ALOX5: variants seen among roughly 807,000 people sequenced by gnomAD.
The protein encoded by ALOX5 is arachidonate 5-lipoxygenase.
A neutral mutation model predicts 87.9 loss-of-function variants in ALOX5; 64 were observed. That is an observed-to-expected ratio of 0.73 (90% confidence interval 0.60 to 0.90). The LOEUF (loss-of-function observed/expected upper bound fraction) is 0.90, where lower values mean the gene tolerates loss of function less well. Among genes scored for constraint, ALOX5 ranks in the 40% least tolerant of loss-of-function variants. The pLI is 0.00. For missense variants in ALOX5, 822 were observed against 907.5 expected (o/e 0.91, Z 1.21); for synonymous variants, 388 against 355.1 (o/e 1.09, Z -1.04).
chr10:45,392,352 G>T lies in ALOX5; in HGVS notation c.350-3503G>T, dbSNP rs546385527. ...GTAGACATGGGAGACTTTTCATTTT[G>T]TTCTGTACTAAGAAAAATTCTTCTG... On this transcript the variant is annotated intron_variant, in intron 2 of 13. Coordinates refer to ENST00000374391, the MANE Select transcript of ALOX5 (RefSeq NM_000698.5). Among the ~76,000 whole-genome samples the T allele has an allele frequency of 1.2e-4, 18 of 152,094 alleles. 2 individuals carry two copies. In the South Asian group the frequency reaches 3.7e-3, roughly 31 times the overall value.
At chr10:45,403,581 G>C (rs1035813556) in intron 3 of ALOX5, among the ~76,000 whole-genome samples, 2 of 152,132 alleles carry the variant, frequency 1.3e-5, no homozygotes, top group South Asian at 4.1e-4. Context: ...GTGTGAGTGT[G>C]TGTGTGCATA....
At chr10:45,394,992 T>G (rs1278177741) in intron 2 of ALOX5, among the ~76,000 whole-genome samples, 6 of 152,186 alleles carry the variant, frequency 3.9e-5, no homozygotes, top group African/African-American at 1.4e-4. Context: ...ATGGGAACAC[T>G]TTTATACTGT....
At chr10:45,435,269 T>C (rs1307905813) in intron 7 of ALOX5, among the ~76,000 whole-genome samples, 1 of 151,918 alleles carries the variant, frequency 6.6e-6, no homozygotes, top group East Asian at 1.9e-4. Flanking sequence ...ACAGTTTTTT[T>C]TTTTTTAATA....
At chr10:45,420,759 A>G (rs1289890509) in intron 4 of ALOX5, among the ~76,000 whole-genome samples, 1 of 152,264 alleles carries the variant, frequency 6.6e-6, no homozygotes, top group Non-Finnish European at 1.5e-5. Flanking sequence ...CCTGCACAGC[A>G]CAACTGTGGC....
chr10:45,413,820 G>A (rs1841162287), intron 4 of ALOX5, among the ~76,000 whole-genome samples: 1 of 152,160 alleles, frequency 6.6e-6, no homozygotes, highest in African/African-American at 2.4e-5. Context: ...GCCAAATCAT[G>A]AGTGAACTCC....
chr10:45,402,304 C>T (rs2132733622), intron 3 of ALOX5, among the ~76,000 whole-genome samples: 1 of 152,240 alleles, frequency 6.6e-6, no homozygotes, highest in African/African-American at 2.4e-5. Context: ...CACAATTGCC[C>T]CACCTCAAAA....
Position 45,374,482 on chromosome 10 carries a change from C to T in ALOX5, c.150+53C>T. The T allele has an allele frequency of 3.5e-6, 5 of 1,429,580 alleles. No homozygotes were observed. In the East Asian group the frequency reaches 8.5e-5, roughly 24 times the overall value. The allele number at this position is 1,429,580 out of a possible 1,614,324, so 88.6% of individuals were successfully genotyped here. A position where few individuals can be genotyped will look rare whatever the true frequency, so the allele number is the denominator to read the frequency against. On this transcript the variant is annotated intron_variant, in intron 1 of 13. Coordinates refer to ENST00000374391, the MANE Select transcript of ALOX5 (RefSeq NM_000698.5). ...CGCGGGCTGAGGTGCGTCCGGGACC[C>T]GGTTTGGACGGCAGAGGCCTGGGCG...
intron 4 of ALOX5, among the ~76,000 whole-genome samples, chr10:45,413,933 T>G (rs1207902109): frequency 6.6e-6 from 1 of 151,892 alleles, no homozygotes; most frequent in East Asian, 1.9e-4. Flanking sequence ...CTCAACAAAA[T>G]AAAAGAGGAC....
At position 45,425,254 on chromosome 10, in the gene ALOX5, A is replaced by G; in HGVS notation, c.834+122A>G. ...ACTGCAGGCCCATCTGGCCTACAGC[A>G]GCCGCTTCCTTTTCCTGGCAGCAGT... On this transcript the variant is annotated intron_variant, in intron 6 of 13. Coordinates refer to ENST00000374391, the MANE Select transcript of ALOX5 (RefSeq NM_000698.5). This position sits in a 1 kb window ranked among gnomAD's most constrained non-coding sequence, Gnocchi z 4.4. 1 of 1,247,940 alleles carries G rather than the reference A, an allele frequency of 8.0e-7. No homozygotes were observed. Among genetic ancestry groups the G allele is most frequent in the Non-Finnish European group, 1.1e-6 (1 of 921,420 alleles). The allele number at this position is 1,247,940 out of a possible 1,614,324, so 77.3% of individuals were successfully genotyped here.
At chr10:45,395,280 A>G in intron 2 of ALOX5, among the ~76,000 whole-genome samples, 1 of 152,246 alleles carries the variant, frequency 6.6e-6, no homozygotes, top group Non-Finnish European at 1.5e-5. Context: ...GCAGCCATAA[A>G]AAAGGATGAA....
chr10:45,424,025 C>G lies in ALOX5; in HGVS notation c.555-16C>G, dbSNP rs1364805012. On this transcript the variant is annotated splice_polypyrimidine_tract_variant and intron_variant, in intron 4 of 13. Transcript: ENST00000374391. ...ATGGCTAGTGTGCGCAAGGTGACCT[C>G]TCTCCTGGTCTGCAGGATGGAGAAC... 2 of 1,606,584 alleles carry G rather than the reference C, an allele frequency of 1.2e-6. No homozygotes were observed. The highest frequency in any genetic ancestry group is 1.7e-4 in the Middle Eastern group (1 of 6,040).
intron 7 of ALOX5, among the ~76,000 whole-genome samples, chr10:45,436,026 G>A (rs568490915): frequency 1.3e-5 from 2 of 152,298 alleles, no homozygotes; most frequent in East Asian, 1.9e-4. Flanking sequence ...GATTAGTGAT[G>A]TTGGGCATTT....
intron 9 of ALOX5, chr10:45,442,769 G>T: frequency 2.3e-6 from 1 of 443,204 alleles, no homozygotes; most frequent in South Asian, 4.8e-5. Flanking sequence ...CCCTCCTGTG[G>T]CTGGGAGCGC....
At chr10:45,397,929 A>C (rs7080897) in intron 3 of ALOX5, among the ~76,000 whole-genome samples, 10,263 of 152,296 alleles carry the variant, frequency 0.067, 469 homozygotes, top group East Asian at 0.18. Context: ...ATTAATGTAC[A>C]CGTTCAACAC....
intron 3 of ALOX5, among the ~76,000 whole-genome samples, chr10:45,409,793 G>A (rs1050964726): frequency 7.9e-5 from 12 of 152,214 alleles, no homozygotes; most frequent in African/African-American, 2.7e-4. Context: ...AGCCTGTCAG[G>A]GTCTCTTAAG....
intron 2 of ALOX5, among the ~76,000 whole-genome samples, chr10:45,392,245 GGTGGTTTT>G (rs1840310470): frequency 6.6e-6 from 1 of 152,214 alleles, no homozygotes; most frequent in Non-Finnish European, 1.5e-5. Context: ...TGATGACAAT[GGTGGTTTT>G]GTGGAATAGA....
intron 1 of ALOX5, among the ~76,000 whole-genome samples, chr10:45,375,661 C>T (rs1839577495): frequency 6.6e-6 from 1 of 152,194 alleles, no homozygotes; most frequent in South Asian, 2.1e-4. Flanking sequence ...AAAAACTACT[C>T]TTTTTCTGGA....
At chr10:45,412,671 A>G (rs909829660) in intron 4 of ALOX5, among the ~76,000 whole-genome samples, 2 of 152,162 alleles carry the variant, frequency 1.3e-5, no homozygotes, top group Non-Finnish European at 2.9e-5. Flanking sequence ...GGCAGGTGCT[A>G]TGGTAAGAAT....
rs1377461012 is a variant in ALOX5, at chr10:45,441,468, C to T, written c.1272+38C>T. On this transcript the variant is annotated intron_variant, in intron 9 of 13. Coordinates refer to ENST00000374391, the MANE Select transcript of ALOX5 (RefSeq NM_000698.5). ...CTACCCTACTTGTTGCCTGGAAGAG[C>T]CCAGCCTGGCCGCCTTCACTCCCTA... 3.1e-6 allele frequency: 5 copies of T among 1,588,726 alleles called. No homozygotes were observed. The South Asian group carries it at 3.3e-5, about 11-fold the overall frequency.
Sources: allele counts gnomAD v4.1 joint callset (sites outside exome capture counted in the v4.1 genomes callset), GRCh38; gene constraint gnomAD v4.1.1; non-coding constraint Gnocchi (gnomAD v3.1); transcripts MANE v1.5; gene names NCBI Gene and HGNC (gene_info 2026-07-23, HGNC 2026-07-21).